Variants in TXNDC5 observed in about 807,000 individuals in gnomAD.
TXNDC5 encodes thioredoxin domain containing 5, also known as thioredoxin domain-containing protein 5.
A neutral mutation model predicts 52.6 loss-of-function variants in TXNDC5; 44 were observed. The ratio of observed to expected loss-of-function variants is 0.84; its 90% CI spans 0.66 to 1.08. The LOEUF (loss-of-function observed/expected upper bound fraction) is 1.08. TXNDC5 is among the 50% of genes least tolerant of loss of function. The pLI is 0.00. For synonymous variants in TXNDC5, 241 were observed against 234.4 expected (o/e 1.03, Z -0.26); for missense variants, 600 against 565.5 (o/e 1.06, Z -0.62).
Position 7,895,148 on chromosome 6 carries a change from A to T in TXNDC5, c.574T>A (p.Tyr192Asn), listed in dbSNP as rs1394334268. The change falls in exon 4 of 10, where the codon TAT (tyrosine) becomes AAT (asparagine). Residue 192 changes from tyrosine (Y) to asparagine (N), a missense_variant. Coordinates refer to ENST00000379757, the MANE Select transcript of TXNDC5 (RefSeq NM_030810.5). ...TCAAAGTTGCTTGCTGAGAGCTCATACAGCCCTTGCTTGAGCTCGGGGGCA... is the reference window on the plus strand; with the variant it reads ...TCAAAGTTGCTTGCTGAGAGCTCATTCAGCCCTTGCTTGAGCTCGGGGGCA... ...PSAPELKQGL[Y>N]ELSASNFELH... 15 of 1,613,796 alleles carry T rather than the reference A, an allele frequency of 9.3e-6. No homozygotes were observed. Among genetic ancestry groups the T allele is most frequent in the Non-Finnish European group, 1.3e-5 (15 of 1,179,924 alleles).
At chr6:7,886,294 G>A (rs1023044599) in intron 7 of TXNDC5, among the ~76,000 whole-genome samples, 1 of 152,150 alleles carries the variant, frequency 6.6e-6, no homozygotes, top group African/African-American at 2.4e-5. Flanking sequence ...GTGAGGAGGT[G>A]GCTGGACACT....
intron 1 of TXNDC5, 128 bp downstream of exon 1, chr6:7,910,386 C>T: frequency 9.2e-7 from 1 of 1,090,960 alleles, no homozygotes; most frequent in Non-Finnish European, 1.1e-6. Context: ...GCGCCCGTAG[C>T]ACGCACGCCG....
chr6:7,895,806 C>T (rs1037089284), intron 3 of TXNDC5, among the ~76,000 whole-genome samples: 2 of 152,014 alleles, frequency 1.3e-5, no homozygotes, highest in Non-Finnish European at 2.9e-5. Flanking sequence ...GCCTAGGCAA[C>T]AGAGTGAGAC....
intron 1 of TXNDC5, chr6:7,909,933 G>C (rs984669255): frequency 3.7e-5 from 36 of 985,954 alleles, no homozygotes; most frequent in Non-Finnish European, 3.6e-5. Flanking sequence ...CGTGGCCCAC[G>C]GGCAGGCCGC....
Position 7,910,576 on chromosome 6 carries a change from C to A in TXNDC5, c.201G>T (p.Thr67=), listed in dbSNP as rs774661669. 22 of 1,418,928 alleles carry A rather than the reference C, an allele frequency of 1.6e-5. No homozygotes were observed. In the South Asian group the frequency reaches 2.2e-4, roughly 14 times the overall value. 87.9% of individuals were successfully genotyped at this position (1,418,928 alleles called of 1,614,324 possible). A position where few individuals can be genotyped will look rare whatever the true frequency, so the allele number is the denominator to read the frequency against. ...GQDPHSKHLY[T]ADMFTHGIQS... is the part of the protein sequence containing the mutation. ...GGATCCCGTGCGTGAACATGTCGGCCGTGTACAGGTGCTTGCTGTGCGGGT... is the reference window on the plus strand; with the variant it reads ...GGATCCCGTGCGTGAACATGTCGGCAGTGTACAGGTGCTTGCTGTGCGGGT... Residue 67 remains threonine, a synonymous_variant, in exon 1 of 10, where the codon ACG becomes ACT. Transcript: ENST00000379757.
At position 7,910,328 on chromosome 6, in the gene TXNDC5, GCCCCGCGCCCCCAGTATTACA is replaced by G. The variant is rs1181289349; in HGVS notation, c.263+165_263+185del. 9.0e-4 allele frequency among the ~76,000 whole-genome samples: 135 copies of G among 149,458 alleles called. 1 individual carries two copies. Among genetic ancestry groups the G allele is most frequent in the African/African-American group, 3.1e-3 (127 of 40,862 alleles). ...AACCCGCAGGGTCCCCGCGCTCCCG[GCCCCGCGCCCCCAGTATTACA>G]CCCCGCACCCCTGAGCCCCGAGCCC... is the stretch of plus-strand genomic sequence containing the variant. On this transcript the variant is annotated intron_variant, in intron 1 of 9. Transcript: ENST00000379757.
chr6:7,908,499 C>T (rs1356412908), intron 1 of TXNDC5, among the ~76,000 whole-genome samples: 1 of 147,328 alleles, frequency 6.8e-6, no homozygotes, highest in Non-Finnish European at 1.5e-5. Flanking sequence ...CTTATTACAT[C>T]TGCATGTCAG....
intron 2 of TXNDC5, among the ~76,000 whole-genome samples, chr6:7,902,661 A>G (rs566156477): frequency 4.2e-4 from 64 of 152,096 alleles, no homozygotes; most frequent in African/African-American, 1.5e-3. Context: ...TCGGGGGGAA[A>G]ATAATCTGTT....
chr6:7,886,250 T>C (rs1759979051), intron 7 of TXNDC5, among the ~76,000 whole-genome samples: 2 of 152,236 alleles, frequency 1.3e-5, no homozygotes, highest in Admixed American at 6.5e-5. Flanking sequence ...GAGAGATCAA[T>C]GCAAGTCCCT....
intron 1 of TXNDC5, 23 bp from the exon 2 acceptor site, chr6:7,904,746 G>T (rs1280535828): frequency 6.2e-7 from 1 of 1,614,104 alleles, no homozygotes; most frequent in South Asian, 1.1e-5. Context: ...AAGAGTACAA[G>T]CACATTGAGT....
chr6:7,884,330 C>T, intron 9 of TXNDC5, 29 bp downstream of exon 9: 1 of 1,613,158 alleles, frequency 6.2e-7, no homozygotes, highest in Non-Finnish European at 8.5e-7. Flanking sequence ...ATACTGAGAG[C>T]TCCCATAAGC....
intron 3 of TXNDC5, among the ~76,000 whole-genome samples, chr6:7,897,129 G>A (rs1180096097): frequency 6.6e-6 from 1 of 152,060 alleles, no homozygotes; most frequent in Non-Finnish European, 1.5e-5. Flanking sequence ...TTGAATTATG[G>A]CAAATCCACA....
intron 1 of TXNDC5, 25 bp downstream of exon 1, chr6:7,910,483 CGGGGCA>C: frequency 7.2e-7 from 1 of 1,398,556 alleles, no homozygotes; most frequent in Non-Finnish European, 9.4e-7. Flanking sequence ...GCGCCAAGTG[CGGGGCA>C]GGGCGCCGGC....
At chr6:7,897,586 G>A (rs1373439116) in intron 3 of TXNDC5, among the ~76,000 whole-genome samples, 1 of 152,170 alleles carries the variant, frequency 6.6e-6, no homozygotes, top group African/African-American at 2.4e-5. Context: ...GGGTGGCATG[G>A]GGGGATTACA....
intron 3 of TXNDC5, among the ~76,000 whole-genome samples, chr6:7,896,728 G>A (rs544831109): frequency 1.3e-5 from 2 of 152,350 alleles, no homozygotes; most frequent in South Asian, 4.1e-4. Flanking sequence ...CTCTCCATGA[G>A]ATGTTCAAGG....
intron 3 of TXNDC5, among the ~76,000 whole-genome samples, chr6:7,898,247 C>T (rs909881256): frequency 5.9e-5 from 9 of 152,124 alleles, no homozygotes; most frequent in South Asian, 4.2e-4. Flanking sequence ...GCAGAGACGA[C>T]GTTTCACCAT....
chr6:7,899,556 G>A lies in TXNDC5; in HGVS notation c.519+20C>T. ...GAGAGGGAGGGAGGGAGGGAGGGAG[G>A]GAAGGAGGTAGACACTCACCACTGG... On this transcript the variant is annotated intron_variant, in intron 3 of 9. Coordinates refer to ENST00000379757, the MANE Select transcript of TXNDC5 (RefSeq NM_030810.5). The A allele has an allele frequency of 6.3e-7, 1 of 1,596,726 alleles. No individual in the cohort carries two copies. The highest frequency in any genetic ancestry group is 1.7e-4 in the Middle Eastern group (1 of 5,860).
intron 1 of TXNDC5, among the ~76,000 whole-genome samples, chr6:7,906,842 G>A (rs1232575235): frequency 6.6e-6 from 1 of 152,136 alleles, no homozygotes. Context: ...TCCTCAGCAG[G>A]CCTTGGTTCC....
At position 7,910,631 on chromosome 6, in the gene TXNDC5, G is replaced by T. The variant is rs1005596038; in HGVS notation, c.146C>A (p.Pro49His). ...TCCGTCCTCGCCGTCTGCCGCGGGG[G>T]GCCCGTCCGCCGCCGCCGCCGCCGC... ...QEAAAAAADG[P>H]PAADGEDGQD... is the part of the protein sequence containing the mutation. The change falls in exon 1 of 10, where the codon CCC becomes CAC. Residue 49 changes from proline to histidine, a missense_variant. By Grantham distance (77) the Pro-to-His change is moderately conservative. Transcript: ENST00000379757. The T allele has an allele frequency of 6.0e-6, 8 of 1,335,234 alleles. No homozygotes were observed. In the South Asian group the frequency reaches 1.2e-4, roughly 20 times the overall value. The allele number at this position is 1,335,234 out of a possible 1,614,324, so 82.7% of individuals were successfully genotyped here.
Sources: allele counts gnomAD v4.1 joint callset (sites outside exome capture counted in the v4.1 genomes callset), GRCh38; gene constraint gnomAD v4.1.1; transcripts MANE v1.5; gene names NCBI Gene and HGNC (gene_info 2026-07-23, HGNC 2026-07-21).